Variants in CEP128 observed in about 807,000 individuals in gnomAD.
CEP128 encodes centrosomal protein 128.
Under a neutral mutation model 156.7 loss-of-function variants are expected in CEP128, and 132 were observed. The ratio of observed to expected loss-of-function variants is 0.84; its 90% confidence interval spans 0.73 to 0.97. CEP128 has a LOEUF of 0.97. Among genes scored for constraint, CEP128 ranks in the 50% least tolerant of loss-of-function variants. CEP128 has a pLI of 0.00. For synonymous variants in CEP128, 469 were observed against 448.9 expected, an observed-to-expected ratio of 1.04 and a Z score of -0.57; for missense variants, 1,252 against 1,281.9, an observed-to-expected ratio of 0.98 and a Z score of 0.36.
chr14:80,892,023 C>T (rs147785324), intron 8 of CEP128, among the ~76,000 whole-genome samples: 37 of 151,364 alleles, frequency 2.4e-4, no homozygotes, highest in African/African-American at 7.5e-4. Flanking sequence ...TTGACATAAT[C>T]CATATCAAAA....
chr14:80,934,126 C>T (rs540308092), intron 2 of CEP128, among the ~76,000 whole-genome samples: 28 of 152,308 alleles, frequency 1.8e-4, no homozygotes, highest in African/African-American at 6.0e-4. Flanking sequence ...CTGTGACACA[C>T]TTCCCCCACC....
At chr14:80,855,965 C>G (rs1338636099) in intron 9 of CEP128, among the ~76,000 whole-genome samples, 1 of 152,156 alleles carries the variant, frequency 6.6e-6, no homozygotes, top group African/African-American at 2.4e-5. Context: ...CTGTATTACT[C>G]AGCATCTCTG....
intron 16 of CEP128, among the ~76,000 whole-genome samples, chr14:80,765,886 G>A (rs1169807738): frequency 6.6e-6 from 1 of 152,178 alleles, no homozygotes; most frequent in African/African-American, 2.4e-5. Context: ...TAAAATGCTA[G>A]AAAGGCTGAG....
rs1266461100 is a variant in CEP128 at position 80,654,786 on chromosome 14, T to C, written c.2807-74363A>G. Among the ~76,000 whole-genome samples the C allele has an allele frequency of 2.6e-5, 4 of 152,184 alleles. No individual in the cohort carries two copies. The East Asian group carries it at 7.7e-4, about 29-fold the overall frequency. On this transcript the variant is annotated intron_variant, in intron 19 of 24. Transcript: ENST00000555265. ...GTTGGCTTCTTTTTTCCTGCTTTCA[T>C]TCATTCCTACTATGTGAATTAACTC... is the stretch of plus-strand genomic sequence containing the variant.
intron 20 of CEP128, among the ~76,000 whole-genome samples, chr14:80,562,109 G>A (rs1288567983): frequency 3.3e-5 from 5 of 151,406 alleles, no homozygotes; most frequent in Non-Finnish European, 5.9e-5. Context: ...TTTATTTTTA[G>A]TAGAGACGGG....
chr14:80,902,114 C>T (rs1162224743), intron 6 of CEP128, among the ~76,000 whole-genome samples: 3 of 152,162 alleles, frequency 2.0e-5, no homozygotes, highest in Admixed American at 6.5e-5. Context: ...CTCTACCATA[C>T]AATTCTGTAG....
At chr14:80,810,714 T>C (rs1312512922) in intron 13 of CEP128, among the ~76,000 whole-genome samples, 1 of 152,176 alleles carries the variant, frequency 6.6e-6, no homozygotes, top group Non-Finnish European at 1.5e-5. Context: ...AAGATTGGTA[T>C]TAGTTCTCTA....
intron 13 of CEP128, chr14:80,822,423 AAATGGGAGC>A (rs1885237298): frequency 2.2e-6 from 1 of 450,802 alleles, no homozygotes; most frequent in Non-Finnish European, 4.3e-6. Context: ...TAACACTTCA[AAATGGGAGC>A]AGTGTGAAGA....
At chr14:80,943,815 G>A (rs774154806), upstream of CEP128, among the ~76,000 whole-genome samples, 6 of 152,130 alleles carry the variant, frequency 3.9e-5, no homozygotes, top group South Asian at 4.2e-4. Flanking sequence ...CCAACATGGC[G>A]AAACTCCATC....
intron 16 of CEP128, among the ~76,000 whole-genome samples, chr14:80,775,990 C>T (rs1453936489): frequency 6.6e-6 from 1 of 152,162 alleles, no homozygotes; most frequent in Non-Finnish European, 1.5e-5. Context: ...CTCGCCACCA[C>T]ACCCGGCTAA....
chr14:80,561,409 T>A (rs1438899104), intron 20 of CEP128, among the ~76,000 whole-genome samples: 1 of 152,196 alleles, frequency 6.6e-6, no homozygotes, highest in African/African-American at 2.4e-5. Context: ...TTTGATCTAT[T>A]GTTGCCAGGC....
chr14:80,959,219 A>AT (rs1460272404), intron 1 of CEP128, among the ~76,000 whole-genome samples: 1 of 152,154 alleles, frequency 6.6e-6, no homozygotes, highest in Non-Finnish European at 1.5e-5. Flanking sequence ...GAGAGCTGGG[A>AT]TCCCTACTTC....
At chr14:80,698,454 C>A (rs1398011913) in intron 19 of CEP128, among the ~76,000 whole-genome samples, 1 of 152,116 alleles carries the variant, frequency 6.6e-6, no homozygotes, top group Non-Finnish European at 1.5e-5. Flanking sequence ...TAATAACCCT[C>A]AGAGGTAGGT....
intron 8 of CEP128, among the ~76,000 whole-genome samples, chr14:80,864,023 T>C (rs1887646855): frequency 6.6e-6 from 1 of 152,236 alleles, no homozygotes; most frequent in Non-Finnish European, 1.5e-5. Context: ...ACTGCTGAGA[T>C]AGCAAGACCA....
Position 80,798,771 on chromosome 14 carries a change from G to C in CEP128, c.1210-5661C>G, listed in dbSNP as rs1342852738. ...CATAAAGTAGACTACCACACAGGTGGCAACAATAACTACTCATTTGTTCAC... is the reference window on the plus strand; with the variant it reads ...CATAAAGTAGACTACCACACAGGTGCCAACAATAACTACTCATTTGTTCAC... On this transcript the variant is annotated intron_variant, in intron 13 of 24. Coordinates refer to ENST00000555265, the MANE Select transcript of CEP128 (RefSeq NM_152446.5). Among the ~76,000 whole-genome samples the C allele has an allele frequency of 2.0e-5, 3 of 152,262 alleles. No homozygotes were observed. The East Asian group carries it at 5.8e-4, about 29-fold the overall frequency.
At chr14:80,774,400 T>C (rs1469662572) in intron 16 of CEP128, among the ~76,000 whole-genome samples, 1 of 152,224 alleles carries the variant, frequency 6.6e-6, no homozygotes, top group Non-Finnish European at 1.5e-5. Context: ...TCCACCCCTT[T>C]TGATTGTAGC....
chr14:80,673,672 TG>T (rs1895945926), intron 19 of CEP128, among the ~76,000 whole-genome samples: 2 of 65,016 alleles, frequency 3.1e-5, no homozygotes, highest in Admixed American at 3.0e-4. Flanking sequence ...AAAAAAAAAA[TG>T]TACTAAAGCA....
At chr14:80,817,482 T>C (rs1356891378) in intron 13 of CEP128, among the ~76,000 whole-genome samples, 3 of 152,322 alleles carry the variant, frequency 2.0e-5, no homozygotes, top group Non-Finnish European at 4.4e-5. Flanking sequence ...AACATTTTTT[T>C]AAAATGTAAG....
At chr14:80,519,908 G>A (rs142867523) in intron 23 of CEP128, among the ~76,000 whole-genome samples, 10 of 152,170 alleles carry the variant, frequency 6.6e-5, no homozygotes, top group African/African-American at 9.6e-5. Context: ...AGTTTGCTGT[G>A]GTGGAAGCTG....
Sources: gnomAD v4.1 joint callset for allele counts (sites outside exome capture counted in the v4.1 genomes callset) on GRCh38, gnomAD v4.1.1 for gene constraint, MANE v1.5 for transcripts, NCBI Gene and HGNC (gene_info 2026-07-23, HGNC 2026-07-21) for gene names.